TAFA5: variants seen among roughly 807,000 people sequenced by gnomAD.
TAFA5 encodes TAFA chemokine like family member 5.
TAFA5 carries 6 observed loss-of-function variants against 15.3 expected under a neutral mutation model. That is an observed-to-expected ratio of 0.39 (90% CI 0.21 to 0.77). The LOEUF (loss-of-function observed/expected upper bound fraction) is 0.77. Ranked by LOEUF, TAFA5 falls within the 30% of genes least tolerant of loss-of-function variation. The pLI is 0.41. For synonymous variants in TAFA5, 103 were observed against 80.7 expected (o/e 1.28, Z -1.48); for missense variants, 161 against 193.1 (o/e 0.83, Z 0.98).
intron 1 of TAFA5, among the ~76,000 whole-genome samples, chr22:48,588,989 C>A (rs539544704): frequency 6.6e-6 from 1 of 152,354 alleles, no homozygotes; most frequent in East Asian, 1.9e-4. Context: ...ATTACAGAAG[C>A]AGCCAAGCAG....
chr22:48,593,751 G>A (rs78234568), intron 1 of TAFA5, among the ~76,000 whole-genome samples: 3,472 of 152,200 alleles, frequency 0.023, 148 homozygotes, highest in East Asian at 0.15. Flanking sequence ...CCCTTAGCAC[G>A]GCCTCCCCAG....
intron 1 of TAFA5, chr22:48,545,170 C>T (rs5768719): frequency 0.018 from 5,908 of 326,148 alleles, 269 homozygotes; most frequent in East Asian, 0.18. Context: ...TTCTCTCTCC[C>T]TCTTGCTCTG....
chr22:48,706,775 A>AT (rs1259013002), intron 2 of TAFA5, among the ~76,000 whole-genome samples: 6 of 152,106 alleles, frequency 3.9e-5, no homozygotes, highest in Admixed American at 3.9e-4. Context: ...GGAAGGACAT[A>AT]TTTTTTCCCA....
At chr22:48,525,402 C>A (rs531055514) in intron 1 of TAFA5, among the ~76,000 whole-genome samples, 49 of 152,314 alleles carry the variant, frequency 3.2e-4, no homozygotes, top group Non-Finnish European at 3.7e-4. Flanking sequence ...TGCCCGCTGC[C>A]TGCTCCGCCT....
At chr22:48,576,592 G>C in intron 1 of TAFA5, 1 of 1,432,938 alleles carries the variant, frequency 7.0e-7, no homozygotes, top group Non-Finnish European at 9.3e-7. Context: ...CCGGGCGCGC[G>C]GACCGGTCCT....
chr22:48,576,119 G>C (rs1205947213), intron 1 of TAFA5, among the ~76,000 whole-genome samples: 1 of 139,926 alleles, frequency 7.1e-6, no homozygotes, highest in African/African-American at 2.7e-5. Flanking sequence ...GCGGCTCCGG[G>C]GGCGGCGGCG....
chr22:48,680,121 T>TC (rs1569076461), intron 2 of TAFA5, among the ~76,000 whole-genome samples: 2 of 152,002 alleles, frequency 1.3e-5, no homozygotes, highest in African/African-American at 4.8e-5. Context: ...GTGGCCATGG[T>TC]CCCCCCACCC....
chr22:48,512,236 C>A (rs1296500663), intron 1 of TAFA5, among the ~76,000 whole-genome samples: 1 of 152,172 alleles, frequency 6.6e-6, no homozygotes, highest in African/African-American at 2.4e-5. Context: ...GGCCCCTTCG[C>A]TGCCTCTCGC....
At chr22:48,581,034 T>G (rs1331982746) in intron 1 of TAFA5, among the ~76,000 whole-genome samples, 1 of 152,218 alleles carries the variant, frequency 6.6e-6, no homozygotes, top group Non-Finnish European at 1.5e-5. Context: ...GAATGGCTGC[T>G]GGGAGGGGTG....
intron 2 of TAFA5, among the ~76,000 whole-genome samples, chr22:48,706,967 C>T: frequency 6.6e-6 from 1 of 152,228 alleles, no homozygotes; most frequent in Non-Finnish European, 1.5e-5. Context: ...AAATGCAATT[C>T]TCTCTGGCAT....
chr22:48,701,409 C>T (rs1243893486), intron 2 of TAFA5, among the ~76,000 whole-genome samples: 2 of 152,188 alleles, frequency 1.3e-5, no homozygotes, highest in African/African-American at 2.4e-5. Context: ...CTCTCCTGCA[C>T]GGGTCCACCC....
intron 1 of TAFA5, among the ~76,000 whole-genome samples, chr22:48,578,408 T>C (rs941216700): frequency 1.3e-5 from 2 of 152,140 alleles, no homozygotes; most frequent in Non-Finnish European, 2.9e-5. Flanking sequence ...GGACTCTGTT[T>C]TTTGGCCAAG....
chr22:48,604,048 G>A (rs1259948598), intron 1 of TAFA5, among the ~76,000 whole-genome samples: 1 of 152,220 alleles, frequency 6.6e-6, no homozygotes, highest in Non-Finnish European at 1.5e-5. Flanking sequence ...GGACAGCACT[G>A]GACTGTGTGT....
chr22:48,517,594 C>T (rs1022517704), intron 1 of TAFA5, among the ~76,000 whole-genome samples: 15 of 152,210 alleles, frequency 9.9e-5, no homozygotes, highest in Admixed American at 1.3e-4. Context: ...CTCTGTCCCG[C>T]GTACGGGCAT....
At chr22:48,652,373 G>A (rs1393299932) in intron 2 of TAFA5, among the ~76,000 whole-genome samples, 3 of 152,318 alleles carry the variant, frequency 2.0e-5, no homozygotes, top group East Asian at 1.9e-4. Context: ...TGCCTGCCCC[G>A]TTCATCCCTT....
intron 1 of TAFA5, among the ~76,000 whole-genome samples, chr22:48,509,387 A>T (rs1921128089): frequency 6.6e-6 from 1 of 152,180 alleles, no homozygotes; most frequent in Admixed American, 6.5e-5. Flanking sequence ...ACATCTCCGT[A>T]CTGTTGTCCA....
chr22:48,507,608 A>G (rs923917059), intron 1 of TAFA5, among the ~76,000 whole-genome samples: 26 of 152,172 alleles, frequency 1.7e-4, no homozygotes. Flanking sequence ...CTTTGGCCCC[A>G]GAAAGGGCCT....
chr22:48,533,934 A>G (rs1922057967), intron 1 of TAFA5, among the ~76,000 whole-genome samples: 2 of 152,132 alleles, frequency 1.3e-5, no homozygotes, highest in Admixed American at 1.3e-4. Context: ...GGCATGGGCC[A>G]TGGTTTGTGG....
intron 1 of TAFA5, among the ~76,000 whole-genome samples, chr22:48,599,030 T>C (rs1449055778): frequency 1.3e-5 from 2 of 152,184 alleles, no homozygotes; most frequent in Non-Finnish European, 2.9e-5. Flanking sequence ...GCGTGGGTGC[T>C]GAGCCCCCAT....
Sources: gnomAD v4.1 joint callset for allele counts (sites outside exome capture counted in the v4.1 genomes callset) on GRCh38, gnomAD v4.1.1 for gene constraint, MANE v1.5 for transcripts, NCBI Gene and HGNC (gene_info 2026-07-23, HGNC 2026-07-21) for gene names.